The following ADAMTSL3 variants were observed in gnomAD, a reference collection of about 807,000 sequenced individuals.
The protein encoded by ADAMTSL3 is ADAMTS like 3, also known as ADAMTS-like protein 3.
A neutral mutation model predicts 201.7 loss-of-function variants in ADAMTSL3; 128 were observed. The observed-to-expected ratio is 0.63, with a 90% CI of 0.55 to 0.73. ADAMTSL3 has a LOEUF of 0.73. Among genes scored for constraint, ADAMTSL3 ranks in the 30% least tolerant of loss-of-function variants. The pLI is 0.00. For missense variants in ADAMTSL3, 1,990 were observed against 2,119.6 expected (o/e 0.94, Z 1.20); for synonymous variants, 738 against 748.4 (o/e 0.99, Z 0.23).
At chr15:83,804,526 A>G (rs1450304703) in intron 4 of ADAMTSL3, 124 bp from the exon 5 acceptor site, 1 of 627,264 alleles carries the variant, frequency 1.6e-6, no homozygotes, top group Non-Finnish European at 2.7e-6. Context: ...TCTTTGGGGT[A>G]ATGTGCACTA....
intron 3 of ADAMTSL3, among the ~76,000 whole-genome samples, chr15:83,723,890 A>T (rs1032464576): frequency 6.6e-6 from 1 of 151,754 alleles, no homozygotes; most frequent in Non-Finnish European, 1.5e-5. Context: ...CTAAATACTG[A>T]TGAAGAAGCA....
chr15:83,820,371 C>G (rs975964579), intron 6 of ADAMTSL3, among the ~76,000 whole-genome samples: 1 of 152,162 alleles, frequency 6.6e-6, no homozygotes, highest in African/African-American at 2.4e-5. Flanking sequence ...AGCCACCGCG[C>G]CGGGCCATCG....
rs537198102 is a variant in ADAMTSL3, at chr15:83,924,022, C to G, written c.2106C>G (p.Pro702=). 2.5e-6 allele frequency: 4 copies of G among 1,614,118 alleles called. No individual in the cohort carries two copies. In the East Asian group the frequency reaches 8.9e-5, roughly 36 times the overall value. ...TGAGCCAGGCCTGTAACACAGAGCC[C>G]TGTCCCCCCAGGTATGTGCTGTCTT... ...PAMSQACNTE[P]CPPRWHVGSW... The change falls in exon 17 of 30, where the codon CCC becomes CCG. Residue 702 remains proline, a synonymous_variant. Coordinates refer to ENST00000286744, the MANE Select transcript of ADAMTSL3 (RefSeq NM_207517.3).
At chr15:83,930,092 A>C (rs760543823) in intron 17 of ADAMTSL3, among the ~76,000 whole-genome samples, 7 of 152,220 alleles carry the variant, frequency 4.6e-5, no homozygotes, top group Non-Finnish European at 7.3e-5. Context: ...GATCAGGGAC[A>C]TGGGATAAAG....
chr15:83,855,729 G>C (rs1201333302), intron 7 of ADAMTSL3, among the ~76,000 whole-genome samples: 1 of 152,120 alleles, frequency 6.6e-6, no homozygotes, highest in Non-Finnish European at 1.5e-5. Context: ...GCAAGCCTTT[G>C]GTTAATTTCC....
intron 17 of ADAMTSL3, among the ~76,000 whole-genome samples, chr15:83,926,019 C>G (rs1197570968): frequency 2.0e-5 from 3 of 152,154 alleles, no homozygotes; most frequent in East Asian, 3.8e-4. Flanking sequence ...TAAATTTAAT[C>G]TGGGGATGGG....
chr15:83,827,116 C>T (rs1194103302), intron 6 of ADAMTSL3, among the ~76,000 whole-genome samples: 1 of 152,204 alleles, frequency 6.6e-6, no homozygotes, highest in African/African-American at 2.4e-5. Context: ...AACCAGTTTA[C>T]AGTTCCACCA....
intron 4 of ADAMTSL3, among the ~76,000 whole-genome samples, chr15:83,801,651 A>AATATAAATATAAATATAT (rs1555445598): frequency 3.2e-5 from 1 of 31,264 alleles, no homozygotes; most frequent in African/African-American, 9.4e-5. Context: ...TATAAATATA[A>AATATAAATATAAATATAT]ATATATATAT....
intron 23 of ADAMTSL3, among the ~76,000 whole-genome samples, chr15:83,995,751 T>G (rs916653627): frequency 7.2e-5 from 11 of 152,058 alleles, no homozygotes; most frequent in African/African-American, 2.7e-4. Flanking sequence ...AAAAAAGCAA[T>G]CCTGTAGGAT....
At chr15:83,809,413 A>G (rs1322812846) in intron 5 of ADAMTSL3, among the ~76,000 whole-genome samples, 2 of 152,184 alleles carry the variant, frequency 1.3e-5, no homozygotes, top group African/African-American at 4.8e-5. Flanking sequence ...ACAAGCATCC[A>G]AATCACAGCC....
chr15:83,866,277 A>G (rs1402571637), intron 8 of ADAMTSL3, among the ~76,000 whole-genome samples: 11 of 152,258 alleles, frequency 7.2e-5, no homozygotes, highest in Non-Finnish European at 1.5e-4. Flanking sequence ...CCAAAGGATT[A>G]TAAATCATGC....
intron 2 of ADAMTSL3, among the ~76,000 whole-genome samples, chr15:83,688,503 A>G (rs1339660700): frequency 6.7e-6 from 1 of 149,418 alleles, no homozygotes; most frequent in Non-Finnish European, 1.5e-5. Context: ...AAACAATCTG[A>G]TTGATAACAG....
intron 6 of ADAMTSL3, among the ~76,000 whole-genome samples, chr15:83,827,602 A>G (rs1207701672): frequency 1.3e-5 from 2 of 152,168 alleles, no homozygotes; most frequent in African/African-American, 4.8e-5. Flanking sequence ...TATGTCCTGA[A>G]TGGTATTGCC....
chr15:83,883,482 T>G (rs1319037493), intron 9 of ADAMTSL3, among the ~76,000 whole-genome samples: 1 of 151,770 alleles, frequency 6.6e-6, no homozygotes, highest in Non-Finnish European at 1.5e-5. Context: ...CCACCATATT[T>G]ATTTTTATTG....
chr15:83,927,596 T>C (rs2066272959), intron 17 of ADAMTSL3, among the ~76,000 whole-genome samples: 1 of 152,204 alleles, frequency 6.6e-6, no homozygotes, highest in Non-Finnish European at 1.5e-5. Flanking sequence ...TTCAGAAATG[T>C]GCTAATAAAT....
At chr15:83,960,086 TG>T (rs1422892918) in intron 19 of ADAMTSL3, among the ~76,000 whole-genome samples, 1 of 152,206 alleles carries the variant, frequency 6.6e-6, no homozygotes, top group African/African-American at 2.4e-5. Context: ...GTTAAAAAAG[TG>T]ATAATATGGT....
chr15:83,667,933 G>A (rs569707389), intron 2 of ADAMTSL3, among the ~76,000 whole-genome samples: 1 of 152,170 alleles, frequency 6.6e-6, no homozygotes, highest in South Asian at 2.1e-4. Flanking sequence ...GATGACTTTT[G>A]AATGCTGAAA....
intron 7 of ADAMTSL3, among the ~76,000 whole-genome samples, chr15:83,843,409 A>G (rs2064425044): frequency 6.6e-6 from 1 of 152,148 alleles, no homozygotes; most frequent in South Asian, 2.1e-4. Flanking sequence ...AAAGGTAGCA[A>G]AGATTCCTGC....
intron 2 of ADAMTSL3, among the ~76,000 whole-genome samples, chr15:83,657,867 C>T (rs972787345): frequency 1.3e-5 from 2 of 152,152 alleles, no homozygotes; most frequent in African/African-American, 4.8e-5. Flanking sequence ...AGCCCTGTGT[C>T]CCTGTCCGTG....
Sources: gnomAD v4.1 joint callset for allele counts (sites outside exome capture counted in the v4.1 genomes callset) on GRCh38, gnomAD v4.1.1 for gene constraint, MANE v1.5 for transcripts, NCBI Gene and HGNC (gene_info 2026-07-23, HGNC 2026-07-21) for gene names.